The following EML1 variants were observed in gnomAD, a reference collection of about 807,000 sequenced individuals.
EML1 encodes the protein echinoderm microtubule-associated protein-like 1.
EML1 carries 27 observed loss-of-function variants against 110.4 expected under a neutral mutation model. That is an observed-to-expected ratio of 0.24 (90% confidence interval 0.18 to 0.34). The LOEUF (loss-of-function observed/expected upper bound fraction) is 0.34, where lower values mean the gene tolerates loss of function less well. EML1 is among the 10% of genes least tolerant of loss of function. The pLI is 1.00. For missense variants in EML1, 741 were observed against 1,030.9 expected (o/e 0.72, Z 3.85); for synonymous variants, 344 against 385.8 (o/e 0.89, Z 1.27).
At chr14:99,798,936 A>G (rs1215844217) in intron 1 of EML1, among the ~76,000 whole-genome samples, 2 of 152,202 alleles carry the variant, frequency 1.3e-5, no homozygotes, top group Admixed American at 6.5e-5. Context: ...AGCACTTACT[A>G]AGATATTTCA....
rs1438025762 is a variant in EML1, at chr14:99,822,004, T to C, written c.67+28461T>C. ...ATGCTGCCACGTGGCTGTGGAAGAC[T>C]GTGGAATAAGCAGCAGCCAGCCAGC... On this transcript the variant is annotated intron_variant, in intron 1 of 21. Transcript: ENST00000262233. 4.6e-5 allele frequency among the ~76,000 whole-genome samples: 7 copies of C among 152,252 alleles called. No individual in the cohort carries two copies. The East Asian group carries it at 1.4e-3, about 29-fold the overall frequency.
intron 1 of EML1, chr14:99,737,933 TG>T (rs2056988641): frequency 3.2e-6 from 4 of 1,269,628 alleles, no homozygotes; most frequent in South Asian, 2.5e-5. Flanking sequence ...CCGAGGGCAC[TG>T]GGGCCCCCGC....
At chr14:99,934,537 C>T (rs1242344051) in intron 17 of EML1, among the ~76,000 whole-genome samples, 2 of 152,260 alleles carry the variant, frequency 1.3e-5, no homozygotes, top group Admixed American at 6.5e-5. Context: ...ACAACCCTTA[C>T]CTGATGCTTT....
intron 2 of EML1, among the ~76,000 whole-genome samples, chr14:99,853,907 G>A (rs1430558388): frequency 1.3e-5 from 2 of 152,208 alleles, no homozygotes; most frequent in South Asian, 4.1e-4. Flanking sequence ...CTGACCTTAG[G>A]TGATCCGCCT....
intron 2 of EML1, among the ~76,000 whole-genome samples, chr14:99,854,922 T>G (rs1372824777): frequency 1.3e-5 from 2 of 152,198 alleles, no homozygotes; most frequent in East Asian, 3.8e-4. Context: ...ATATTGCTGT[T>G]GTGACCGTAA....
At chr14:99,765,086 T>C (rs2057354302) in intron 1 of EML1, among the ~76,000 whole-genome samples, 1 of 152,090 alleles carries the variant, frequency 6.6e-6, no homozygotes, top group South Asian at 2.1e-4. Context: ...CACAGGCGAA[T>C]GCCACCATGC....
chr14:99,738,837 G>T lies in EML1; in HGVS notation c.28+977G>T, dbSNP rs550887666. Reference sequence around the variant, plus strand: ...CAGGCAGCCCAGGCAGCCAGGTCTGGCCTCCTCCAGCAGGGCCTCCTTCGT... The same window carrying T: ...CAGGCAGCCCAGGCAGCCAGGTCTGTCCTCCTCCAGCAGGGCCTCCTTCGT... On this transcript the variant is annotated intron_variant, in intron 1 of 10. Coordinates refer to the EML1 transcript ENST00000554479. Among the ~76,000 whole-genome samples, 18 of 152,314 alleles carry T rather than the reference G, an allele frequency of 1.2e-4. No individual in the cohort carries two copies. The East Asian group carries it at 3.5e-3, about 29-fold the overall frequency.
chr14:99,911,643 T>C, intron 13 of EML1, 67 bp downstream of exon 13: 3 of 1,530,744 alleles, frequency 2.0e-6, no homozygotes, highest in Non-Finnish European at 2.6e-6. Flanking sequence ...TTTTATTAGT[T>C]TGAAATCTGT....
At chr14:99,897,635 T>G (rs2059693727) in intron 7 of EML1, among the ~76,000 whole-genome samples, 1 of 152,166 alleles carries the variant, frequency 6.6e-6, no homozygotes, top group Admixed American at 6.5e-5. Context: ...ACGGACCACA[T>G]TGTCTCAACA....
chr14:99,884,469 A>C (rs1482942519), intron 4 of EML1, among the ~76,000 whole-genome samples: 4 of 152,194 alleles, frequency 2.6e-5, no homozygotes, highest in Non-Finnish European at 4.4e-5. Flanking sequence ...TTCTCCTAAC[A>C]AATGTCAGTG....
At chr14:99,841,140 G>A (rs2181227) in intron 1 of EML1, among the ~76,000 whole-genome samples, 103,422 of 152,088 alleles carry the variant, frequency 0.68, 35,269 homozygotes, top group Non-Finnish European at 0.7. Flanking sequence ...CTGCCAAGTG[G>A]GAGGGCTCGT....
intron 3 of EML1, among the ~76,000 whole-genome samples, chr14:99,874,243 A>G (rs2059251810): frequency 6.6e-6 from 1 of 152,242 alleles, no homozygotes; most frequent in Non-Finnish European, 1.5e-5. Flanking sequence ...TTGAATGCAT[A>G]TGCAATGTAA....
Position 99,784,395 on chromosome 14 carries a change from C to A in EML1, c.-27+10382C>A. Among the ~76,000 whole-genome samples, 1 of 152,174 alleles carries A rather than the reference C, an allele frequency of 6.6e-6. No homozygotes were observed. The highest frequency in any genetic ancestry group is 1.9e-4 in the East Asian group (1 of 5,200). On this transcript the variant is annotated intron_variant, in intron 1 of 22. Coordinates refer to the EML1 transcript ENST00000327921. The surrounding 1 kb of genome is among the most constrained non-coding windows in gnomAD (Gnocchi z 4.5). Reference sequence around the variant, plus strand: ...GGTGTAAGCCACTGTGCCTGGCCTGCAAGGACATTTTAAAAAGAATTAGCC... The same window carrying A: ...GGTGTAAGCCACTGTGCCTGGCCTGAAAGGACATTTTAAAAAGAATTAGCC...
intron 1 of EML1, among the ~76,000 whole-genome samples, chr14:99,756,067 C>A (rs1055797182): frequency 6.6e-6 from 1 of 152,230 alleles, no homozygotes; most frequent in African/African-American, 2.4e-5. Flanking sequence ...CAACATCTCA[C>A]CCCAGGATGG....
chr14:99,848,338 C>G (rs1420705380), intron 1 of EML1, among the ~76,000 whole-genome samples: 4 of 151,948 alleles, frequency 2.6e-5, no homozygotes, highest in Non-Finnish European at 5.9e-5. Context: ...ATGTATGTAT[C>G]CTTGAGAACC....
chr14:99,768,357 G>A (rs759950531), upstream of EML1, among the ~76,000 whole-genome samples: 2 of 152,156 alleles, frequency 1.3e-5, no homozygotes, highest in Non-Finnish European at 2.9e-5. Flanking sequence ...TCACGGAGCC[G>A]CTGTCTGAGC....
chr14:99,758,339 C>T (rs2057278744), intron 1 of EML1, among the ~76,000 whole-genome samples: 2 of 152,182 alleles, frequency 1.3e-5, no homozygotes, highest in Admixed American at 6.5e-5. Flanking sequence ...CTGAGGAGGG[C>T]TTTTTCTGGA....
rs538628802 is a variant in EML1 at position 99,757,452 on chromosome 14, G to A, written c.28+19592G>A. ...GGCCTTGCATACAGTCGCGCATACCGCTTGTGCACATCTAGGAGCCTCGTG... is the reference window on the plus strand; with the variant it reads ...GGCCTTGCATACAGTCGCGCATACCACTTGTGCACATCTAGGAGCCTCGTG... On this transcript the variant is annotated intron_variant, in intron 1 of 10. Transcript: ENST00000554479. Among the ~76,000 whole-genome samples, 128 of 152,200 alleles carry A rather than the reference G, an allele frequency of 8.4e-4. 3 individuals carry two copies. The highest frequency in any genetic ancestry group is 3.5e-3 in the Admixed American group (53 of 15,294).
At chr14:99,933,876 C>G (rs1437497563) in intron 17 of EML1, among the ~76,000 whole-genome samples, 1 of 152,180 alleles carries the variant, frequency 6.6e-6, no homozygotes, top group African/African-American at 2.4e-5. Context: ...GGGTGGATCA[C>G]CTGAGGTCAG....
Sources: allele counts gnomAD v4.1 joint callset (sites outside exome capture counted in the v4.1 genomes callset), GRCh38; gene constraint gnomAD v4.1.1; non-coding constraint Gnocchi (gnomAD v3.1); transcripts MANE v1.5; gene names NCBI Gene and HGNC (gene_info 2026-07-23, HGNC 2026-07-21).